Variants in DMBT1 observed in about 807,000 individuals in gnomAD.
DMBT1 encodes scavenger receptor cysteine-rich domain-containing protein DMBT1.
A neutral mutation model predicts 252.9 loss-of-function variants in DMBT1; 198 were observed. That is an observed-to-expected ratio of 0.78 (90% confidence interval 0.70 to 0.88). DMBT1 has a LOEUF of 0.88. Ranked by LOEUF, DMBT1 falls within the 40% of genes least tolerant of loss-of-function variation. The probability of loss-of-function intolerance (pLI) is 0.00; values close to 1 mark genes in which losing one functional copy is unlikely to be tolerated. For missense variants in DMBT1, 2,432 were observed against 2,404.7 expected, an observed-to-expected ratio of 1.01 and a Z score of -0.24; for synonymous variants, 990 against 942.7, an observed-to-expected ratio of 1.05 and a Z score of -0.92.
rs1235681099 is a variant in DMBT1 at position 122,579,836 on chromosome 10, G to C, written c.938G>C (p.Cys313Ser). ...GGACATGAGTCCTACCTGTGGAGCT[G>C]CCCCCACAATGGCTGGCTCACCCAC... ...CSGHESYLWS[C>S]PHNGWLTHNC... Residue 313 changes from cysteine (C) to serine (S), a missense_variant, in exon 10 of 56, where the codon TGC (cysteine) becomes TCC (serine). Coordinates refer to ENST00000338354, the MANE Select transcript of DMBT1 (RefSeq NM_001377530.1). 2 of 1,613,516 alleles carry C rather than the reference G, an allele frequency of 1.2e-6. No individual in the cohort carries two copies. Among genetic ancestry groups the C allele is most frequent in the Non-Finnish European group, 1.7e-6 (2 of 1,179,642 alleles).
rs777817360 is a variant in DMBT1, at chr10:122,592,386, C to T, written c.2291C>T (p.Thr764Ile). 6 of 1,588,496 alleles carry T rather than the reference C, an allele frequency of 3.8e-6. No homozygotes were observed. Among genetic ancestry groups the T allele is most frequent in the Non-Finnish European group, 5.1e-6 (6 of 1,165,824 alleles). Reference protein sequence around the residue: ...WGTVCDDSWDTNDANVVCRQL... With the variant: ...WGTVCDDSWDINDANVVCRQL... ...ACCGTGTGTGATGACAGCTGGGATACCAATGATGCCAATGTGGTCTGCAGG... is the reference window on the plus strand; with the variant it reads ...ACCGTGTGTGATGACAGCTGGGATATCAATGATGCCAATGTGGTCTGCAGG... Residue 764 changes from threonine to isoleucine, a missense_variant, in exon 20 of 56, where the codon ACC (threonine) becomes ATC (isoleucine). Coordinates refer to ENST00000338354, the MANE Select transcript of DMBT1 (RefSeq NM_001377530.1).
intron 4 of DMBT1, among the ~76,000 whole-genome samples, chr10:122,571,425 G>T (rs2097662767): frequency 6.6e-6 from 1 of 152,102 alleles, no homozygotes; most frequent in South Asian, 2.1e-4. Context: ...AAAGGCTTTG[G>T]AGGATGGGGG....
Position 122,625,985 on chromosome 10 carries a change from C to G in DMBT1, c.5668+20C>G, listed in dbSNP as rs1197744689. The G allele has an allele frequency of 1.9e-6, 3 of 1,599,116 alleles. No individual in the cohort carries two copies. The highest frequency in any genetic ancestry group is 2.6e-6 in the Non-Finnish European group (3 of 1,166,444). ...CTGCAAGTAGGTATCACATTTTCTA[C>G]CTGAACCATAGGTCATACATTTCTT... On this transcript the variant is annotated intron_variant, in intron 46 of 55. Transcript: ENST00000338354.
intron 24 of DMBT1, 74 bp from the exon 25 acceptor site, chr10:122,597,899 TC>T: frequency 6.2e-7 from 1 of 1,609,634 alleles, no homozygotes; most frequent in South Asian, 1.1e-5. Context: ...ATGTTTGCCT[TC>T]TCCGGAGACC....
At chr10:122,585,085 C>T (rs182012299) in intron 14 of DMBT1, among the ~76,000 whole-genome samples, 186 bp from the exon 15 acceptor site, 1 of 148,810 alleles carries the variant, frequency 6.7e-6, no homozygotes, top group East Asian at 2.1e-4. Context: ...GAACTGGTCT[C>T]CAGCAAGGCT....
At chr10:122,594,203 C>T (rs1307950694) in intron 21 of DMBT1, among the ~76,000 whole-genome samples, 1 of 140,932 alleles carries the variant, frequency 7.1e-6, no homozygotes, top group Non-Finnish European at 1.6e-5. Flanking sequence ...CGTCTGATGT[C>T]CTAGTCAGTC....
chr10:122,591,540 C>T, intron 19 of DMBT1, 23 bp downstream of exon 19: 1 of 1,576,322 alleles, frequency 6.3e-7, no homozygotes, highest in Non-Finnish European at 8.7e-7. Context: ...CTCACCCCTC[C>T]CTAGGGCTCA....
intron 52 of DMBT1, among the ~76,000 whole-genome samples, chr10:122,634,451 TCTCTCTCTCTC>T (rs2098206217): frequency 1.1e-5 from 1 of 92,186 alleles, no homozygotes; most frequent in African/African-American, 7.0e-5. Context: ...TCTCTCTCTC[TCTCTCTCTCTC>T]TCTCTCTCTC....
At chr10:122,570,081 C>T (rs2097647298) in intron 2 of DMBT1, 81 bp from the exon 3 acceptor site, 1 of 1,310,164 alleles carries the variant, frequency 7.6e-7, no homozygotes, top group African/African-American at 1.4e-5. Context: ...CCAGTTCTTG[C>T]TTGAGAGCTG....
rs758990714 is a variant in DMBT1 at position 122,592,341 on chromosome 10, T to C, written c.2246T>C (p.Leu749Pro). ...SDRCQGRVEV[L>P]YRGSWGTVCD... ...AGGTGTCAGGGCCGAGTAGAGGTCC[T>C]ATACCGAGGCTCCTGGGGCACCGTG... The change falls in exon 20 of 56, where the codon CTA becomes CCA. Residue 749 changes from leucine (L) to proline (P), a missense_variant. Leu to Pro is a moderately conservative substitution (Grantham distance 98). Around this residue, in one of 3 missense-constraint regions of DMBT1, gnomAD observed 1,264 missense variants for 1,082.2 expected, o/e 1.17. Transcript: ENST00000338354. 6.3e-7 allele frequency: 1 copy of C among 1,588,202 alleles called. No individual in the cohort carries two copies. Among genetic ancestry groups the C allele is most frequent in the South Asian group, 1.2e-5 (1 of 86,918 alleles).
Position 122,598,992 on chromosome 10 carries a change from G to T in DMBT1, c.3175G>T (p.Asp1059Tyr), listed in dbSNP as rs756341445. Residue 1059 changes from aspartate (D) to tyrosine (Y), a missense_variant, in exon 26 of 56, where the codon GAT becomes TAT. Transcript: ENST00000338354. ...GGGCTCAGGACCCATTGTCCTGGAT[G>T]ATGTGCGCTGCTCAGGACACGAGTC... ...GQGSGPIVLD[D>Y]VRCSGHESYL... 1.2e-6 allele frequency: 2 copies of T among 1,613,662 alleles called. No individual in the cohort carries two copies. The highest frequency in any genetic ancestry group is 1.7e-6 in the Non-Finnish European group (2 of 1,179,746).
chr10:122,564,409 G>A (rs2097572553), intron 1 of DMBT1, among the ~76,000 whole-genome samples: 1 of 152,184 alleles, frequency 6.6e-6, no homozygotes, highest in Non-Finnish European at 1.5e-5. Context: ...TTTGAATCTA[G>A]CCTGGGCAAT....
At chr10:122,579,303 T>A (rs2097743667) in intron 9 of DMBT1, among the ~76,000 whole-genome samples, 1 of 152,096 alleles carries the variant, frequency 6.6e-6, no homozygotes, top group African/African-American at 2.4e-5. Flanking sequence ...AGCAGCTCCA[T>A]CCTCTGTGTA....
At chr10:122,592,056 G>A (rs558056920) in intron 19 of DMBT1, among the ~76,000 whole-genome samples, 8 of 148,666 alleles carry the variant, frequency 5.4e-5, no homozygotes, top group East Asian at 2.1e-4. Flanking sequence ...GGTCACAGGC[G>A]CTTTCCCAAA....
intron 16 of DMBT1, 110 bp downstream of exon 16, chr10:122,586,493 C>G: frequency 3.4e-6 from 5 of 1,457,892 alleles, no homozygotes; most frequent in Non-Finnish European, 3.7e-6. Context: ...TCCTATATTT[C>G]TGATACCTCC....
chr10:122,586,463 C>T (rs1056898641), intron 16 of DMBT1, 80 bp downstream of exon 16: 1 of 1,534,866 alleles, frequency 6.5e-7, no homozygotes, highest in South Asian at 1.3e-5. Flanking sequence ...AATCTCCTCA[C>T]TTAGAGCTTT....
At chr10:122,623,312 G>A (rs1192281573) in intron 44 of DMBT1, among the ~76,000 whole-genome samples, 1 of 152,184 alleles carries the variant, frequency 6.6e-6, no homozygotes, top group Non-Finnish European at 1.5e-5. Flanking sequence ...TCAGCTTATG[G>A]ACATATGGGT....
intron 44 of DMBT1, among the ~76,000 whole-genome samples, chr10:122,624,869 C>A (rs1212203773): frequency 6.6e-6 from 1 of 150,388 alleles, no homozygotes; most frequent in Non-Finnish European, 1.5e-5. Flanking sequence ...AGACCTTGGG[C>A]CTCTATTTTA....
intron 51 of DMBT1, 100 bp downstream of exon 51, chr10:122,632,990 C>T: frequency 6.4e-7 from 1 of 1,569,092 alleles, no homozygotes; most frequent in Non-Finnish European, 8.7e-7. Flanking sequence ...GATGGCTTCC[C>T]CCAAAGTGGT....
Sources: gnomAD v4.1 joint callset for allele counts (sites outside exome capture counted in the v4.1 genomes callset) on GRCh38, gnomAD v4.1.1 for gene constraint, gnomAD v4.1.1 regional missense constraint, MANE v1.5 for transcripts, NCBI Gene and HGNC (gene_info 2026-07-23, HGNC 2026-07-21) for gene names.